The following ALG9 variants were observed in gnomAD, a reference collection of about 807,000 sequenced individuals.
ALG9 encodes ALG9 alpha-1,2-mannosyltransferase.
In ALG9, 55 loss-of-function variants were observed where a neutral mutation model predicts 81.8. That is an observed-to-expected ratio of 0.67 (90% CI 0.54 to 0.84). The LOEUF is 0.84. ALG9 is among the 40% of genes least tolerant of loss of function. The pLI is 0.00. For missense variants in ALG9, 629 were observed against 745.0 expected (o/e 0.84, Z 1.81); for synonymous variants, 278 against 274.3 (o/e 1.01, Z -0.13).
chr11:111,867,350 A>C (rs1262645551), intron 3 of ALG9, among the ~76,000 whole-genome samples: 3 of 152,240 alleles, frequency 2.0e-5, no homozygotes, highest in African/African-American at 7.2e-5. Context: ...GAATGAAAAC[A>C]GTCCATCGAT....
Position 111,793,427 on chromosome 11 carries a change from T to C in ALG9, c.1734-6907A>G, listed in dbSNP as rs564420197. 5.9e-5 allele frequency among the ~76,000 whole-genome samples: 9 copies of C among 152,252 alleles called. No individual in the cohort carries two copies. In the South Asian group the frequency reaches 1.9e-3, roughly 32 times the overall value. On this transcript the variant is annotated intron_variant, in intron 14 of 14. Coordinates refer to ENST00000616540, the MANE Select transcript of ALG9 (RefSeq NM_024740.2). Reference sequence around the variant, plus strand: ...ATTTTGAATTGTTATATTGTATTGTTATTGAAAAAAGGAAATCAAATTGGT... The same window carrying C: ...ATTTTGAATTGTTATATTGTATTGTCATTGAAAAAAGGAAATCAAATTGGT...
chr11:111,778,972 G>A (rs1327503155), downstream of ALG9, among the ~76,000 whole-genome samples: 1 of 151,936 alleles, frequency 6.6e-6, no homozygotes, highest in African/African-American at 2.4e-5. Flanking sequence ...GCGCCACCAC[G>A]CCCGACTAAT....
At chr11:111,841,984 C>T (rs1459381935) in intron 9 of ALG9, among the ~76,000 whole-genome samples, 5 of 152,186 alleles carry the variant, frequency 3.3e-5, no homozygotes, top group African/African-American at 9.7e-5. Context: ...GCAACCTCTA[C>T]CTCCCAGGTT....
At position 111,860,604 on chromosome 11, in the gene ALG9, T is replaced by C; in HGVS notation, c.508A>G (p.Ser170Gly). 6.2e-7 allele frequency: 1 copy of C among 1,614,018 alleles called. No homozygotes were observed. Among genetic ancestry groups the C allele is most frequent in the South Asian group, 1.1e-5 (1 of 91,036 alleles). The change falls in exon 5 of 15, where the codon AGT becomes GGT. Residue 170 changes from serine (S) to glycine (G), a missense_variant. By Grantham distance (56) the Ser-to-Gly change is moderately conservative. Coordinates refer to ENST00000616540, the MANE Select transcript of ALG9 (RefSeq NM_024740.2). Reference sequence around the variant, plus strand: ...ACCAAGAAGGCTAGCATCATTCGACTCACGTGCAACCCAAACTTCTTGCAC... The same window carrying C: ...ACCAAGAAGGCTAGCATCATTCGACCCACGTGCAACCCAAACTTCTTGCAC... ...AVCKKFGLHV[S>G]RMMLAFLVLS...
chr11:111,771,690 A>G, the ALG9 span, among the ~76,000 whole-genome samples: 3 of 152,168 alleles, frequency 2.0e-5, no homozygotes, highest in Non-Finnish European at 4.4e-5. Flanking sequence ...GCATTTTCCA[A>G]CTGTCTTCAT....
In ALG9 at chr11:111,836,061, C is replaced by T. The variant is rs1204761013; in HGVS notation, c.1602+104G>A. 3.9e-6 allele frequency: 6 copies of T among 1,542,760 alleles called. No individual in the cohort carries two copies. In the African/African-American group the frequency reaches 8.2e-5, roughly 21 times the overall value. On this transcript the variant is annotated intron_variant, in intron 13 of 14. Transcript: ENST00000616540. ...ACAGCACCCGGCCTTAAAAAAATTG[C>T]TTTCTAAGAAATTCTCATTTTATCA...
intron 14 of ALG9, among the ~76,000 whole-genome samples, chr11:111,805,936 G>A (rs1341900036): frequency 3.3e-5 from 5 of 152,046 alleles, no homozygotes; most frequent in African/African-American, 7.2e-5. Context: ...GGCTCACTGC[G>A]ACTTCCGCCT....
chr11:111,804,159 C>T (rs139607499), intron 14 of ALG9, among the ~76,000 whole-genome samples: 7,162 of 138,488 alleles, frequency 0.052, 582 homozygotes, highest in African/African-American at 0.18. Flanking sequence ...AAAGAAACAA[C>T]AACAACAAAA....
chr11:111,827,745 G>A (rs1450043970), intron 13 of ALG9, among the ~76,000 whole-genome samples: 1 of 151,548 alleles, frequency 6.6e-6, no homozygotes, highest in Admixed American at 6.6e-5. Context: ...GCACACACCT[G>A]TAATCCCAGC....
At chr11:111,804,728 C>T (rs961510688) in intron 14 of ALG9, among the ~76,000 whole-genome samples, 23 of 152,158 alleles carry the variant, frequency 1.5e-4, no homozygotes, top group Admixed American at 9.2e-4. Flanking sequence ...ATCATATTAG[C>T]GAAATGTAAA....
At chr11:111,807,765 T>G (rs1012235642) in intron 14 of ALG9, among the ~76,000 whole-genome samples, 8 of 152,132 alleles carry the variant, frequency 5.3e-5, no homozygotes, top group African/African-American at 1.7e-4. Flanking sequence ...CACTCCAGAC[T>G]GGGAGAAAGA....
intron 10 of ALG9, among the ~76,000 whole-genome samples, chr11:111,840,293 T>C (rs2136879055): frequency 6.6e-6 from 1 of 152,328 alleles, no homozygotes; most frequent in African/African-American, 2.4e-5. Context: ...AAGTGCCCCA[T>C]ACTGTGAACT....
intron 14 of ALG9, among the ~76,000 whole-genome samples, chr11:111,808,006 G>T (rs948510100): frequency 1.3e-5 from 2 of 152,120 alleles, no homozygotes; most frequent in Non-Finnish European, 2.9e-5. Flanking sequence ...GGAGGTAGAG[G>T]TTACAGTGAG....
chr11:111,842,167 G>A (rs920017336), intron 9 of ALG9, among the ~76,000 whole-genome samples: 1 of 152,174 alleles, frequency 6.6e-6, no homozygotes, highest in Admixed American at 6.5e-5. Context: ...AAAGTGCTGG[G>A]ATTACAGGCG....
chr11:111,870,506 T>C (rs1173958987), intron 1 of ALG9, 136 bp from the exon 2 acceptor site: 1 of 1,182,692 alleles, frequency 8.5e-7, no homozygotes, highest in Non-Finnish European at 1.1e-6. Flanking sequence ...CCTAAAAAGG[T>C]GAATAGCTAG....
At chr11:111,799,354 G>A (rs1948761319) in intron 14 of ALG9, among the ~76,000 whole-genome samples, 1 of 151,946 alleles carries the variant, frequency 6.6e-6, no homozygotes, top group Non-Finnish European at 1.5e-5. Context: ...ACTATGGCCA[G>A]GATGGTCTCA....
intron 3 of ALG9, among the ~76,000 whole-genome samples, chr11:111,867,306 T>C (rs1429040172): frequency 6.6e-6 from 1 of 152,218 alleles, no homozygotes; most frequent in Non-Finnish European, 1.5e-5. Context: ...AATACCTTAA[T>C]AGATCCTACC....
chr11:111,806,616 G>A (rs546921207), intron 14 of ALG9, among the ~76,000 whole-genome samples: 22 of 151,898 alleles, frequency 1.4e-4, no homozygotes, highest in South Asian at 2.1e-4. Flanking sequence ...GCCTCATCTC[G>A]TCCCTAACTT....
chr11:111,833,724 A>G (rs1208065238), intron 13 of ALG9, among the ~76,000 whole-genome samples: 1 of 152,162 alleles, frequency 6.6e-6, no homozygotes, highest in Non-Finnish European at 1.5e-5. Context: ...GCAGACATAA[A>G]TCACTTGTTT....
Sources: gnomAD v4.1 joint callset for allele counts (sites outside exome capture counted in the v4.1 genomes callset) on GRCh38, gnomAD v4.1.1 for gene constraint, MANE v1.5 for transcripts, NCBI Gene and HGNC (gene_info 2026-07-23, HGNC 2026-07-21) for gene names.